Variants in AGTPBP1 observed in about 807,000 individuals in gnomAD.
AGTPBP1 encodes cytosolic carboxypeptidase 1.
AGTPBP1 carries 70 observed loss-of-function variants against 143.9 expected under a neutral mutation model. The ratio of observed to expected loss-of-function variants is 0.49; its 90% CI spans 0.40 to 0.59. The LOEUF (loss-of-function observed/expected upper bound fraction) is 0.59, where lower values mean the gene tolerates loss of function less well. Ranked by LOEUF, AGTPBP1 falls within the 20% of genes least tolerant of loss-of-function variation. The probability of loss-of-function intolerance (pLI) is 0.00; values close to 1 mark genes in which losing one functional copy is unlikely to be tolerated. For synonymous variants in AGTPBP1, 463 were observed against 500.2 expected, an observed-to-expected ratio of 0.93 and a Z score of 0.99; for missense variants, 1,229 against 1,464.5, an observed-to-expected ratio of 0.84 and a Z score of 2.62.
chr9:85,619,511 T>C (rs1830787477), intron 15 of AGTPBP1, among the ~76,000 whole-genome samples: 1 of 152,214 alleles, frequency 6.6e-6, no homozygotes, highest in South Asian at 2.1e-4. Flanking sequence ...TTTATTCTTA[T>C]GTTTATACTG....
chr9:85,778,085 G>A, the AGTPBP1 span, among the ~76,000 whole-genome samples: 13 of 152,308 alleles, frequency 8.5e-5, no homozygotes, highest in African/African-American at 2.6e-4. Context: ...GCAGGGTGGC[G>A]AGTGGAGACC....
chr9:85,642,308 G>A (rs904822341), intron 13 of AGTPBP1, among the ~76,000 whole-genome samples: 1 of 151,686 alleles, frequency 6.6e-6, no homozygotes, highest in South Asian at 2.1e-4. Context: ...AGACTAAAGT[G>A]ACAAAAAATG....
chr9:85,550,655 T>C (rs535096780), intron 25 of AGTPBP1, among the ~76,000 whole-genome samples: 1 of 152,248 alleles, frequency 6.6e-6, no homozygotes, highest in South Asian at 2.1e-4. Flanking sequence ...TTGCCAGATA[T>C]AGTCCCATGA....
At chr9:85,614,182 A>T (rs185572949) in intron 17 of AGTPBP1, among the ~76,000 whole-genome samples, 2,513 of 152,180 alleles carry the variant, frequency 0.017, 29 homozygotes, top group Middle Eastern at 0.054. Context: ...TACCCCTTTA[A>T]TTTAAACATT....
chr9:85,759,837 G>GT, the AGTPBP1 span, among the ~76,000 whole-genome samples: 2,613 of 152,236 alleles, frequency 0.017, 79 homozygotes, highest in African/African-American at 0.06. Context: ...CAAGGAGCTG[G>GT]TTTTTTGAGA....
the AGTPBP1 span, among the ~76,000 whole-genome samples, chr9:85,751,387 A>C: frequency 6.6e-6 from 1 of 152,230 alleles, no homozygotes; most frequent in Non-Finnish European, 1.5e-5. Context: ...TATACAAATA[A>C]AAGTCCATTT....
chr9:85,773,971 G>C, the AGTPBP1 span: 1 of 1,610,292 alleles, frequency 6.2e-7, no homozygotes, highest in South Asian at 1.1e-5. Context: ...CAGTGTGACC[G>C]GAGACTGACC....
At chr9:85,747,237 T>C in the AGTPBP1 span, among the ~76,000 whole-genome samples, 1 of 152,348 alleles carries the variant, frequency 6.6e-6, no homozygotes, top group East Asian at 1.9e-4. Flanking sequence ...GGTCTATATG[T>C]CTATCCTCAT....
At chr9:85,762,091 G>C in the AGTPBP1 span, among the ~76,000 whole-genome samples, 1 of 152,178 alleles carries the variant, frequency 6.6e-6, no homozygotes, top group Non-Finnish European at 1.5e-5. Context: ...ACACCAGTTA[G>C]AATGGCGATC....
chr9:85,660,838 A>G (rs1833811767), intron 9 of AGTPBP1, 98 bp downstream of exon 9: 3 of 962,628 alleles, frequency 3.1e-6, no homozygotes, highest in African/African-American at 1.7e-5. Context: ...AACCAGCTTT[A>G]TAACTATAGT....
At chr9:85,594,147 C>T (rs1829143636) in intron 18 of AGTPBP1, among the ~76,000 whole-genome samples, 1 of 152,178 alleles carries the variant, frequency 6.6e-6, no homozygotes, top group South Asian at 2.1e-4. Context: ...GGTATTTATA[C>T]TACCACATTA....
At chr9:85,599,428 T>C (rs1213344671) in intron 17 of AGTPBP1, among the ~76,000 whole-genome samples, 1 of 152,132 alleles carries the variant, frequency 6.6e-6, no homozygotes, top group Non-Finnish European at 1.5e-5. Context: ...TTGCTCCACA[T>C]TTTCTTTTCT....
At chr9:85,653,142 G>A (rs751631263) in intron 11 of AGTPBP1, among the ~76,000 whole-genome samples, 6 of 151,604 alleles carry the variant, frequency 4.0e-5, no homozygotes, top group Non-Finnish European at 7.4e-5. Context: ...AGAGGCAAGG[G>A]CATGTAGTCC....
chr9:85,754,347 T>G, the AGTPBP1 span, among the ~76,000 whole-genome samples: 2 of 152,152 alleles, frequency 1.3e-5, no homozygotes, highest in African/African-American at 2.4e-5. Context: ...CCCACCACCA[T>G]GCCCGACTAA....
chr9:85,655,763 T>C (rs966749730), intron 10 of AGTPBP1, among the ~76,000 whole-genome samples: 4 of 152,060 alleles, frequency 2.6e-5, no homozygotes, highest in African/African-American at 7.2e-5. Context: ...ATAATACCTC[T>C]CATAAGTTGG....
chr9:85,704,759 A>G (rs1344431315), intron 2 of AGTPBP1, among the ~76,000 whole-genome samples: 1 of 152,220 alleles, frequency 6.6e-6, no homozygotes, highest in Non-Finnish European at 1.5e-5. Flanking sequence ...TATAATGGGA[A>G]CAATCAAAAT....
At chr9:85,631,049 G>A (rs1049948327) in intron 14 of AGTPBP1, among the ~76,000 whole-genome samples, 1 of 152,094 alleles carries the variant, frequency 6.6e-6, no homozygotes, top group Non-Finnish European at 1.5e-5. Flanking sequence ...AGCTGATCTG[G>A]GTCAATCACT....
chr9:85,720,155 T>G (rs1046226968), intron 1 of AGTPBP1, among the ~76,000 whole-genome samples: 3 of 152,224 alleles, frequency 2.0e-5, no homozygotes, highest in African/African-American at 7.2e-5. Context: ...GCCTTTAGTA[T>G]CAGGATGACG....
Position 85,596,454 on chromosome 9 carries a change from G to C in AGTPBP1, c.2336-5C>G. On this transcript the variant is annotated splice_polypyrimidine_tract_variant and splice_region_variant and intron_variant, in intron 17 of 25. Coordinates refer to ENST00000357081, the MANE Select transcript of AGTPBP1 (RefSeq NM_001330701.2). ...AATACATGAGTGGTTGCATACCTTT[G>C]AAAGAGAGAAAAAAAGAGAGAAAAT... is the stretch of plus-strand genomic sequence containing the variant. The C allele has an allele frequency of 6.5e-7, 1 of 1,538,370 alleles. No individual in the cohort carries two copies. Among genetic ancestry groups the C allele is most frequent in the Non-Finnish European group, 8.8e-7 (1 of 1,140,628 alleles).
Sources: gnomAD v4.1 joint callset for allele counts (sites outside exome capture counted in the v4.1 genomes callset) on GRCh38, gnomAD v4.1.1 for gene constraint, MANE v1.5 for transcripts, NCBI Gene and HGNC (gene_info 2026-07-23, HGNC 2026-07-21) for gene names.